The following CSMD1 variants were observed in gnomAD, a reference collection of about 807,000 sequenced individuals.
CSMD1 encodes the protein CUB and sushi domain-containing protein 1.
A neutral mutation model predicts 417.5 loss-of-function variants in CSMD1; 213 were observed. The ratio of observed to expected loss-of-function variants is 0.51; its 90% CI spans 0.46 to 0.57. The LOEUF is 0.57. CSMD1 is among the 20% of genes least tolerant of loss of function. The pLI is 0.00. For synonymous variants in CSMD1, 2,862 were observed against 1,736.8 expected (o/e 1.65, Z -16.11); for missense variants, 6,923 against 4,529.7 (o/e 1.53, Z -15.17).
At chr8:4,541,353 T>C (rs965295530) in intron 2 of CSMD1, among the ~76,000 whole-genome samples, 6 of 152,232 alleles carry the variant, frequency 3.9e-5, no homozygotes, top group African/African-American at 1.4e-4. Context: ...CCTTTGAAGA[T>C]TTTAATGTGT....
chr8:4,881,096 G>T (rs1338056050), intron 1 of CSMD1, among the ~76,000 whole-genome samples: 1 of 151,850 alleles, frequency 6.6e-6, no homozygotes, highest in Non-Finnish European at 1.5e-5. Flanking sequence ...AGCCCACATT[G>T]TTCTTCCCCT....
chr8:4,196,336 G>T (rs1052755524), intron 3 of CSMD1, among the ~76,000 whole-genome samples: 5 of 152,148 alleles, frequency 3.3e-5, no homozygotes, highest in African/African-American at 9.7e-5. Context: ...CAAATAGAGC[G>T]GCTTAAGAGA....
In CSMD1 at chr8:3,601,109, C is replaced by A. The variant is rs73660335; in HGVS notation, c.1098-14849G>T. ...TACATGCTAGAAACCTCCATGACTC[C>A]TGTATATCACTGCTAGATGTAGGTT... On this transcript the variant is annotated intron_variant, in intron 8 of 69. Coordinates refer to ENST00000635120, the MANE Select transcript of CSMD1 (RefSeq NM_033225.6). Among the ~76,000 whole-genome samples the A allele has an allele frequency of 6.3e-3, 957 of 152,292 alleles. 10 individuals are homozygous for A. Among genetic ancestry groups the A allele is most frequent in the African/African-American group, 0.022 (898 of 41,570 alleles).
chr8:3,337,420 A>G (rs1381012131), intron 23 of CSMD1, among the ~76,000 whole-genome samples: 1 of 152,188 alleles, frequency 6.6e-6, no homozygotes, highest in Non-Finnish European at 1.5e-5. Flanking sequence ...TCTCAGCCAC[A>G]AGGTTTATTC....
chr8:4,352,907 A>G (rs1384313048), intron 3 of CSMD1, among the ~76,000 whole-genome samples: 4 of 152,224 alleles, frequency 2.6e-5, no homozygotes, highest in African/African-American at 9.6e-5. Context: ...TGACACTAGA[A>G]AGATTTAGGC....
chr8:4,091,837 G>A (rs914088456), intron 3 of CSMD1, among the ~76,000 whole-genome samples: 2 of 152,136 alleles, frequency 1.3e-5, no homozygotes, highest in African/African-American at 4.8e-5. Context: ...GGACTATTTA[G>A]CAATGGAGAA....
chr8:3,832,522 A>C (rs751702271), intron 5 of CSMD1, among the ~76,000 whole-genome samples: 6 of 152,180 alleles, frequency 3.9e-5, no homozygotes, highest in Non-Finnish European at 8.8e-5. Context: ...CACTTATTTT[A>C]AACTATTTTT....
intron 3 of CSMD1, among the ~76,000 whole-genome samples, chr8:4,229,801 T>G (rs1801599593): frequency 6.6e-6 from 1 of 152,136 alleles, no homozygotes; most frequent in Non-Finnish European, 1.5e-5. Flanking sequence ...ACTCCTTCCT[T>G]TTTTCCCTCA....
At chr8:4,567,153 T>C (rs1180646190) in intron 2 of CSMD1, among the ~76,000 whole-genome samples, 2 of 152,240 alleles carry the variant, frequency 1.3e-5, no homozygotes, top group African/African-American at 2.4e-5. Context: ...GAGTATTCCA[T>C]GAATGTTTAC....
chr8:4,257,081 G>A (rs1182681079), intron 3 of CSMD1, among the ~76,000 whole-genome samples: 2 of 152,040 alleles, frequency 1.3e-5, no homozygotes, highest in African/African-American at 2.4e-5. Flanking sequence ...TCTCTTCTTA[G>A]AACTTTTTAA....
intron 2 of CSMD1, among the ~76,000 whole-genome samples, chr8:4,610,441 G>C (rs139392592): frequency 1.4e-4 from 22 of 152,200 alleles, no homozygotes; most frequent in African/African-American, 5.3e-4. Flanking sequence ...ATTTCCAAAG[G>C]GGTCAGGTGT....
intron 60 of CSMD1, among the ~76,000 whole-genome samples, chr8:2,963,011 G>A (rs977873204): frequency 7.9e-5 from 12 of 152,166 alleles, no homozygotes; most frequent in Non-Finnish European, 1.6e-4. Flanking sequence ...TTGAACCACT[G>A]CACTCCATCC....
Position 4,262,085 on chromosome 8 carries a change from G to C in CSMD1, c.415+157868C>G, listed in dbSNP as rs193301531. 3.4e-3 allele frequency among the ~76,000 whole-genome samples: 523 copies of C among 152,200 alleles called. 4 individuals carry two copies. Among genetic ancestry groups the C allele is most frequent in the African/African-American group, 0.012 (485 of 41,530 alleles). ...ACCTTGATTTTTTTTAACCTCTAAAGTTAGTCACTATTACTGTTACTTCTC... is the reference window on the plus strand; with the variant it reads ...ACCTTGATTTTTTTTAACCTCTAAACTTAGTCACTATTACTGTTACTTCTC... On this transcript the variant is annotated intron_variant, in intron 3 of 69. Coordinates refer to ENST00000635120, the MANE Select transcript of CSMD1 (RefSeq NM_033225.6).
chr8:3,454,722 C>T (rs1425509148), intron 12 of CSMD1, among the ~76,000 whole-genome samples: 1 of 152,172 alleles, frequency 6.6e-6, no homozygotes, highest in Non-Finnish European at 1.5e-5. Flanking sequence ...GTAACCCGAC[C>T]TTTCTCTCTG....
chr8:4,454,278 C>T (rs1043783186), intron 2 of CSMD1, among the ~76,000 whole-genome samples: 4 of 152,200 alleles, frequency 2.6e-5, no homozygotes, highest in Non-Finnish European at 4.4e-5. Flanking sequence ...AACTGGACTC[C>T]TGACTTCGGT....
chr8:2,985,587 T>C (rs1023828477), intron 54 of CSMD1, among the ~76,000 whole-genome samples: 2 of 152,378 alleles, frequency 1.3e-5, no homozygotes, highest in East Asian at 1.9e-4. Context: ...TCTGAAATTT[T>C]ACTTTTCTTA....
intron 50 of CSMD1, among the ~76,000 whole-genome samples, chr8:3,049,394 T>A (rs755040782): frequency 2.0e-5 from 3 of 152,126 alleles, no homozygotes; most frequent in Non-Finnish European, 4.4e-5. Flanking sequence ...GGAATATTGT[T>A]CAGTACTAAA....
intron 11 of CSMD1, among the ~76,000 whole-genome samples, chr8:3,492,399 T>C (rs1018298423): frequency 1.6e-4 from 24 of 152,098 alleles, no homozygotes; most frequent in African/African-American, 5.8e-4. Context: ...CAAAGAGGCA[T>C]CCTCAGTAGT....
At chr8:4,156,503 A>C (rs1186377354) in intron 3 of CSMD1, among the ~76,000 whole-genome samples, 1 of 152,166 alleles carries the variant, frequency 6.6e-6, no homozygotes. Flanking sequence ...TATCTTCCTT[A>C]TGTGTAATAA....
Sources: gnomAD v4.1 joint callset for allele counts (sites outside exome capture counted in the v4.1 genomes callset) on GRCh38, gnomAD v4.1.1 for gene constraint, MANE v1.5 for transcripts, NCBI Gene and HGNC (gene_info 2026-07-23, HGNC 2026-07-21) for gene names.